The following CDK2 variants were observed in gnomAD, a reference collection of about 807,000 sequenced individuals.
CDK2 encodes cyclin dependent kinase 2.
A neutral mutation model predicts 35.0 loss-of-function variants in CDK2; 8 were observed. The ratio of observed to expected loss-of-function variants is 0.23; its 90% CI spans 0.13 to 0.41. The LOEUF (loss-of-function observed/expected upper bound fraction) is 0.41. Ranked by LOEUF, CDK2 falls within the 10% of genes least tolerant of loss-of-function variation. The pLI is 1.00. For synonymous variants in CDK2, 134 were observed against 137.7 expected, an observed-to-expected ratio of 0.97 and a Z score of 0.19; for missense variants, 201 against 367.1, an observed-to-expected ratio of 0.55 and a Z score of 3.70.
At position 55,966,992 on chromosome 12, in the gene CDK2, C is replaced by G. The variant is rs1242090730; in HGVS notation, c.-17C>G. The G allele has an allele frequency of 1.3e-6, 2 of 1,594,442 alleles. No homozygotes were observed. Among genetic ancestry groups the G allele is most frequent in the Non-Finnish European group, 1.7e-6 (2 of 1,166,836 alleles). On this transcript the variant is annotated 5_prime_UTR_variant, in exon 1 of 7. Transcript: ENST00000266970. ...CCCCCGCTCCAGGGCCGGGCTGACC[C>G]GACTCGCTGGCGCTTCATGGAGAAC...
rs1400507515 is a variant in CDK2, at chr12:55,971,617, C to A, written c.889C>A (p.Arg297=). Residue 297 remains arginine, a synonymous_variant, in exon 7 of 7, where the codon CGA becomes AGA. Coordinates refer to ENST00000266970, the MANE Select transcript of CDK2 (RefSeq NM_001798.5). ...TGTGACCAAGCCAGTACCCCATCTT[C>A]GACTCTGATAGCCTTCTTGAAGCCC... ...QDVTKPVPHL[R]L 6.2e-7 allele frequency: 1 copy of A among 1,611,286 alleles called. No individual in the cohort carries two copies. The highest frequency in any genetic ancestry group is 8.5e-7 in the Non-Finnish European group (1 of 1,177,482).
chr12:55,969,265 C>T (rs1329452777), intron 4 of CDK2, among the ~76,000 whole-genome samples: 3 of 151,948 alleles, frequency 2.0e-5, no homozygotes, highest in Non-Finnish European at 2.9e-5. Flanking sequence ...AAATTATGAC[C>T]AATTTGTCTC....
rs1045019193 is a variant in CDK2, at chr12:55,972,457, G to C, written c.*832G>C. Reference sequence around the variant, plus strand: ...ATAGGAGTTAGAAGTTAGGGTTTAGGCATCATTTTGAGAATGCTGACACTT... The same window carrying C: ...ATAGGAGTTAGAAGTTAGGGTTTAGCCATCATTTTGAGAATGCTGACACTT... On this transcript the variant is annotated 3_prime_UTR_variant, in exon 7 of 7. Transcript: ENST00000266970. 2 of 152,148 alleles carry C rather than the reference G, an allele frequency of 1.3e-5. No homozygotes were observed. Among genetic ancestry groups the C allele is most frequent in the Non-Finnish European group, 2.9e-5 (2 of 68,036 alleles). 9.4% of individuals were successfully genotyped at this position (152,148 alleles called of 1,614,324 possible).
intron 5 of CDK2, chr12:55,969,916 T>TA (rs1889429974): frequency 5.9e-6 from 1 of 170,386 alleles, no homozygotes; most frequent in Admixed American, 6.3e-5. Flanking sequence ...TCAAGGCTTG[T>TA]AGACCTTGTT....
Position 55,971,643 on chromosome 12 carries a change from C to T in CDK2, c.*18C>T, listed in dbSNP as rs771141097. ...GACTCTGATAGCCTTCTTGAAGCCC[C>T]CAGCCCTAATCTCACCCTCTCCTCC... is the stretch of plus-strand genomic sequence containing the variant. On this transcript the variant is annotated 3_prime_UTR_variant, in exon 7 of 7. Transcript: ENST00000266970. 1 of 1,568,062 alleles carries T rather than the reference C, an allele frequency of 6.4e-7. No individual in the cohort carries two copies. Among genetic ancestry groups the T allele is most frequent in the Non-Finnish European group, 8.8e-7 (1 of 1,137,880 alleles).
At chr12:55,971,421 T>G in intron 6 of CDK2, 100 bp from the exon 7 acceptor site, 2 of 1,130,254 alleles carry the variant, frequency 1.8e-6, no homozygotes, top group Non-Finnish European at 2.7e-6. Context: ...GAATTCTGCC[T>G]TGGGTAGAAG....
chr12:55,967,568 G>C (rs1050083335), intron 1 of CDK2: 2 of 483,370 alleles, frequency 4.1e-6, no homozygotes, highest in Non-Finnish European at 7.5e-6. Flanking sequence ...CTCTGGGGAG[G>C]CTGGGGGCTA....
chr12:55,968,748 AAAC>A (rs1889401990), intron 3 of CDK2, 27 bp from the exon 4 acceptor site: 3 of 1,555,078 alleles, frequency 1.9e-6, no homozygotes, highest in Non-Finnish European at 2.6e-6. Context: ...TGTAATGGAG[AAAC>A]ACAGTCCTCT....
chr12:55,968,159 C>T lies in CDK2; in HGVS notation c.305C>T (p.Pro102Leu). 6.2e-7 allele frequency: 1 copy of T among 1,614,122 alleles called. No homozygotes were observed. The change falls in exon 3 of 7, where the codon CCC (proline) becomes CTC (leucine). Residue 102 changes from proline (P) to leucine (L), a missense_variant. Pro to Leu is a moderately conservative substitution (Grantham distance 98). This residue lies in a region of CDK2 where 47 missense variants were observed against 59.5 expected (regional missense o/e 0.79). Transcript: ENST00000266970. ...TCTGCTCTCACTGGCATTCCTCTTC[C>T]CCTCATCAAGGTAATGCTTCTCATC... ...DASALTGIPLPLIKSYLFQLL... is the reference protein window; with the variant it reads ...DASALTGIPLLLIKSYLFQLL...
intron 5 of CDK2, chr12:55,970,748 G>C (rs1322708254): frequency 1.4e-6 from 1 of 701,150 alleles, no homozygotes; most frequent in South Asian, 1.5e-5. Context: ...CCCCGTGAGT[G>C]GCTTGGGATA....
rs1325179976 is a variant in CDK2 at position 55,972,500 on chromosome 12, A to G, written c.*875A>G. 1 of 151,682 alleles carries G rather than the reference A, an allele frequency of 6.6e-6. No individual in the cohort carries two copies. The highest frequency in any genetic ancestry group is 2.4e-5 in the African/African-American group (1 of 41,242). The allele number at this position is 151,682 out of a possible 1,614,324, so 9.4% of individuals were successfully genotyped here. A position where few individuals can be genotyped will look rare whatever the true frequency, so the allele number is the denominator to read the frequency against. The stretch of plus-strand genomic sequence containing the variant: ...TGACACTTTTTCAGGGCTGTGATTG[A>G]GTGAGGGCATGGGTAAAAATATTTC... On this transcript the variant is annotated 3_prime_UTR_variant, in exon 7 of 7. Coordinates refer to ENST00000266970, the MANE Select transcript of CDK2 (RefSeq NM_001798.5).
intron 1 of CDK2, 141 bp from the exon 2 acceptor site, chr12:55,967,716 C>T: frequency 1.5e-6 from 1 of 683,730 alleles, no homozygotes; most frequent in East Asian, 2.7e-5. Flanking sequence ...CAAGAATTAG[C>T]TCTTACCATC....
rs1425324088 is a variant in CDK2, at chr12:55,967,139, T to A, written c.116+15T>A. 2 of 1,573,220 alleles carry A rather than the reference T, an allele frequency of 1.3e-6. No homozygotes were observed. Among genetic ancestry groups the A allele is most frequent in the East Asian group, 2.2e-5 (1 of 44,522 alleles). On this transcript the variant is annotated intron_variant, in intron 1 of 6. Transcript: ENST00000266970. Reference sequence around the variant, plus strand: ...CGCCTGGACACGTGAGTGGCCTCTGTACCCGGGACTCCTAACTGGGGACCT... The same window carrying A: ...CGCCTGGACACGTGAGTGGCCTCTGAACCCGGGACTCCTAACTGGGGACCT...
At chr12:55,968,672 T>A (rs1383819131) in intron 3 of CDK2, 106 bp from the exon 4 acceptor site, 2 of 834,144 alleles carry the variant, frequency 2.4e-6, no homozygotes, top group East Asian at 5.3e-5. Flanking sequence ...AATATGTAAC[T>A]ATAATCCAAC....
intron 5 of CDK2, 32 bp downstream of exon 5, chr12:55,969,608 C>T: frequency 8.1e-7 from 1 of 1,239,868 alleles, no homozygotes; most frequent in Non-Finnish European, 1.2e-6. Flanking sequence ...CCACCCAGCC[C>T]CCTCCCTCTC....
At chr12:55,968,279 C>T in intron 3 of CDK2, 110 bp downstream of exon 3, 1 of 1,029,450 alleles carries the variant, frequency 9.7e-7, no homozygotes, top group Non-Finnish European at 1.5e-6. Flanking sequence ...CCCTCATCTC[C>T]TATACACACA....
At position 55,969,503 on chromosome 12, in the gene CDK2, A is replaced by G. The variant is rs1187916821; in HGVS notation, c.515A>G (p.Glu172Gly). 1 of 1,610,048 alleles carries G rather than the reference A, an allele frequency of 6.2e-7. No homozygotes were observed. The highest frequency in any genetic ancestry group is 2.2e-5 in the East Asian group (1 of 44,508). ...EVVTLWYRAP[E>G]ILLGCKYYST... ...GTGACCCTGTGGTACCGAGCTCCTG[A>G]AATCCTCCTGGGCTGCAAATATTAT... Residue 172 changes from glutamate (E) to glycine (G), a missense_variant, in exon 5 of 7, where the codon GAA becomes GGA. Glu to Gly is a moderately conservative substitution (Grantham distance 98). Coordinates refer to ENST00000266970, the MANE Select transcript of CDK2 (RefSeq NM_001798.5).
chr12:55,971,948 T>A lies in CDK2; in HGVS notation c.*323T>A. On this transcript the variant is annotated 3_prime_UTR_variant, in exon 7 of 7. Coordinates refer to ENST00000266970, the MANE Select transcript of CDK2 (RefSeq NM_001798.5). ...ACGTTAGATTTGCCGTACCAATCTCTGAATGCCCCATAATTATTATTTCCA... is the reference window on the plus strand; with the variant it reads ...ACGTTAGATTTGCCGTACCAATCTCAGAATGCCCCATAATTATTATTTCCA... 4.0e-6 allele frequency: 1 copy of A among 250,974 alleles called. No individual in the cohort carries two copies. Among genetic ancestry groups the A allele is most frequent in the Non-Finnish European group, 7.6e-6 (1 of 130,790 alleles). The allele number at this position is 250,974 out of a possible 1,614,324, so 15.5% of individuals were successfully genotyped here.
In CDK2 at chr12:55,971,060, T is replaced by C. The variant is rs1889460181; in HGVS notation, c.605T>C (p.Leu202Pro). 1.2e-6 allele frequency: 2 copies of C among 1,614,138 alleles called. No homozygotes were observed. Among genetic ancestry groups the C allele is most frequent in the Middle Eastern group, 1.6e-4 (1 of 6,062 alleles). The change falls in exon 6 of 7, where the codon CTA becomes CCA. Residue 202 changes from leucine to proline, a missense_variant. Around this residue, in one of 5 missense-constraint regions of CDK2, gnomAD observed 106 missense variants for 141.3 expected, o/e 0.75. Transcript: ENST00000266970. ...IFAEMVTRRALFPGDSEIDQL... is the reference protein window; with the variant it reads ...IFAEMVTRRAPFPGDSEIDQL... ...CATTTTCAGGTGACTCGCCGGGCCC[T>C]ATTCCCTGGAGATTCTGAGATTGAC...
Sources: gnomAD v4.1 joint callset for allele counts (sites outside exome capture counted in the v4.1 genomes callset) on GRCh38, gnomAD v4.1.1 for gene constraint, gnomAD v4.1.1 regional missense constraint, MANE v1.5 for transcripts, NCBI Gene and HGNC (gene_info 2026-07-23, HGNC 2026-07-21) for gene names.